Variants in PHF21B observed in about 807,000 individuals in gnomAD.
PHF21B encodes the protein PHD finger protein 21B.
Under a neutral mutation model 62.2 loss-of-function variants are expected in PHF21B, and 22 were observed. The observed-to-expected ratio is 0.35, with a 90% confidence interval of 0.25 to 0.51. The LOEUF (loss-of-function observed/expected upper bound fraction) is 0.51, where lower values mean the gene tolerates loss of function less well. PHF21B is among the 20% of genes least tolerant of loss of function. PHF21B has a pLI of 0.97. For missense variants in PHF21B, 701 were observed against 707.9 expected (o/e 0.99, Z 0.11); for synonymous variants, 341 against 314.7 (o/e 1.08, Z -0.88).
chr22:44,897,849 A>G (rs1337430371), intron 5 of PHF21B, among the ~76,000 whole-genome samples: 2 of 152,038 alleles, frequency 1.3e-5, no homozygotes, highest in Non-Finnish European at 1.5e-5. Context: ...CACTCTGTCA[A>G]CCAGGCTGGA....
chr22:44,993,676 T>C (rs1054007755), intron 2 of PHF21B, among the ~76,000 whole-genome samples: 1 of 152,232 alleles, frequency 6.6e-6, no homozygotes, highest in Admixed American at 6.5e-5. Context: ...CCCGTGGAGA[T>C]GAGCAACTTG....
Position 45,008,537 on chromosome 22 carries a change from T to C in PHF21B, c.120+8A>G. On this transcript the variant is annotated splice_region_variant and intron_variant, in intron 2 of 12. Coordinates refer to ENST00000313237, the MANE Select transcript of PHF21B (RefSeq NM_138415.5). Reference sequence around the variant, plus strand: ...CATCCCAGGGGGGGCCGCGATCCCATCGCTTACTTGTTTGTCGCTGAGCGC... The same window carrying C: ...CATCCCAGGGGGGGCCGCGATCCCACCGCTTACTTGTTTGTCGCTGAGCGC... The C allele has an allele frequency of 6.4e-7, 1 of 1,570,344 alleles. No individual in the cohort carries two copies. The highest frequency in any genetic ancestry group is 1.2e-5 in the South Asian group (1 of 85,408).
chr22:44,979,801 T>C (rs2072804081), intron 2 of PHF21B, among the ~76,000 whole-genome samples: 3 of 151,916 alleles, frequency 2.0e-5, no homozygotes, highest in African/African-American at 7.3e-5. Flanking sequence ...AAAGTAACCA[T>C]TTCACTTCTG....
chr22:44,887,156 C>CAA (rs565346064), intron 10 of PHF21B, among the ~76,000 whole-genome samples: 3,244 of 64,962 alleles, frequency 0.05, 158 homozygotes, highest in African/African-American at 0.12. Flanking sequence ...AACTCCATCT[C>CAA]AAAAAAAAAA....
chr22:44,994,214 A>T (rs2073084213), intron 2 of PHF21B, among the ~76,000 whole-genome samples: 1 of 152,240 alleles, frequency 6.6e-6, no homozygotes, highest in Non-Finnish European at 1.5e-5. Context: ...TCCTTCTAGA[A>T]CCTTGGAACA....
intron 3 of PHF21B, among the ~76,000 whole-genome samples, 185 bp from the exon 4 acceptor site, chr22:44,916,815 G>T (rs1569226450): frequency 6.6e-6 from 1 of 152,200 alleles, no homozygotes; most frequent in Non-Finnish European, 1.5e-5. Flanking sequence ...TCCTGGGCTT[G>T]CACCGACTGG....
At chr22:44,967,089 C>T (rs2072542042) in intron 2 of PHF21B, 1 of 152,276 alleles carries the variant, frequency 6.6e-6, no homozygotes, top group Non-Finnish European at 1.5e-5. Flanking sequence ...GAATCAGGAA[C>T]TTTCTCCAAC....
In PHF21B at chr22:44,949,863, G is replaced by A. The variant is rs1465683534; in HGVS notation, c.121-29373C>T. On this transcript the variant is annotated intron_variant, in intron 2 of 12. Transcript: ENST00000313237. ...AAGTTCAGGTGATTTTTTCGGCACC[G>A]CTGCAAGAACAGATGTGAGTTAAAG... 7.2e-5 allele frequency among the ~76,000 whole-genome samples: 11 copies of A among 152,116 alleles called. No homozygotes were observed. The East Asian group carries it at 9.6e-4, about 13-fold the overall frequency.
At chr22:45,008,886 CG>C in intron 1 of PHF21B, 2 of 1,169,038 alleles carry the variant, frequency 1.7e-6, no homozygotes, top group Non-Finnish European at 2.1e-6. Flanking sequence ...GTTTGCAGGC[CG>C]GGGTGCGTGT....
chr22:44,996,955 G>GTTCTACTT (rs1244358422), intron 2 of PHF21B, among the ~76,000 whole-genome samples: 1 of 152,002 alleles, frequency 6.6e-6, no homozygotes. Flanking sequence ...TCGCTTCCCC[G>GTTCTACTT]TTCTACTTTT....
intron 2 of PHF21B, among the ~76,000 whole-genome samples, chr22:44,994,960 G>C (rs569613863): frequency 6.6e-6 from 1 of 152,240 alleles, no homozygotes; most frequent in Non-Finnish European, 1.5e-5. Flanking sequence ...AGCTCAGGCC[G>C]AGAGGCCGCC....
At chr22:44,993,439 C>T (rs192322323) in intron 2 of PHF21B, among the ~76,000 whole-genome samples, 49 of 152,360 alleles carry the variant, frequency 3.2e-4, no homozygotes, top group African/African-American at 9.6e-4. Flanking sequence ...TCCTCCCACC[C>T]GCCAGGGCTC....
At chr22:44,970,789 C>A (rs1365487558) in intron 2 of PHF21B, among the ~76,000 whole-genome samples, 1 of 152,144 alleles carries the variant, frequency 6.6e-6, no homozygotes, top group Non-Finnish European at 1.5e-5. Context: ...GACTATACAG[C>A]CAGGAAAGAT....
Position 44,974,670 on chromosome 22 carries a change from T to C in PHF21B, c.120+33875A>G, listed in dbSNP as rs199747508. Among the ~76,000 whole-genome samples the C allele has an allele frequency of 5.3e-5, 8 of 152,308 alleles. No homozygotes were observed. In the East Asian group the frequency reaches 1.2e-3, roughly 22 times the overall value. On this transcript the variant is annotated intron_variant, in intron 2 of 12. Coordinates refer to ENST00000313237, the MANE Select transcript of PHF21B (RefSeq NM_138415.5). ...ATGCAGCCTGGTGCTATACAGTGTGTGTCCAATCAGACCAGAAATTGGAGG... is the reference window on the plus strand; with the variant it reads ...ATGCAGCCTGGTGCTATACAGTGTGCGTCCAATCAGACCAGAAATTGGAGG...
chr22:44,934,708 T>C (rs1416938123), intron 2 of PHF21B, among the ~76,000 whole-genome samples: 1 of 152,250 alleles, frequency 6.6e-6, no homozygotes, highest in East Asian at 1.9e-4. Context: ...TGGAGTCCCC[T>C]GAGTCTGGGG....
intron 5 of PHF21B, among the ~76,000 whole-genome samples, chr22:44,906,446 T>C (rs557906014): frequency 7.9e-5 from 12 of 152,282 alleles, no homozygotes; most frequent in Admixed American, 6.5e-4. Flanking sequence ...GAAACGTGTG[T>C]GTAACAGGGC....
intron 2 of PHF21B, among the ~76,000 whole-genome samples, chr22:44,939,830 G>A (rs1057030872): frequency 2.6e-5 from 4 of 152,180 alleles, no homozygotes; most frequent in Admixed American, 6.5e-5. Context: ...AGTAATCCAA[G>A]ATGAATAAGA....
intron 2 of PHF21B, among the ~76,000 whole-genome samples, chr22:44,942,740 G>A (rs73889853): frequency 0.024 from 3,581 of 152,258 alleles, 140 homozygotes; most frequent in African/African-American, 0.081. Context: ...CCACGTGGAG[G>A]GCAGGACCAC....
Position 44,883,178 on chromosome 22 carries a change from T to G in PHF21B, c.1504A>C (p.Thr502Pro), listed in dbSNP as rs201377055. The G allele has an allele frequency of 3.3e-5, 53 of 1,613,238 alleles. 1 individual carries two copies. The highest frequency in any genetic ancestry group is 2.0e-4 in the African/African-American group (15 of 74,876). The stretch of plus-strand genomic sequence containing the variant: ...CCGGCCAGCAGTGGGGCAGGGCTAG[T>G]GGTCGTCATGGTGACCTGGAGCAGC... ...EQLLQVTMTTTSPAPLLAGPW... is the reference protein window; with the variant it reads ...EQLLQVTMTTPSPAPLLAGPW... The change falls in exon 13 of 13, where the codon ACT becomes CCT. Residue 502 changes from threonine (T) to proline (P), a missense_variant. By Grantham distance (38) the Thr-to-Pro change is conservative (BLOSUM62 -1). Transcript: ENST00000313237.
Sources: allele counts gnomAD v4.1 joint callset (sites outside exome capture counted in the v4.1 genomes callset), GRCh38; gene constraint gnomAD v4.1.1; transcripts MANE v1.5; gene names NCBI Gene and HGNC (gene_info 2026-07-23, HGNC 2026-07-21).